ARF5: variants seen among roughly 807,000 people sequenced by gnomAD.
ARF5 encodes the protein ARF GTPase 5.
ARF5 carries 10 observed loss-of-function variants against 24.8 expected under a neutral mutation model. That is an observed-to-expected ratio of 0.40 (90% CI 0.25 to 0.68). The LOEUF is 0.68. Ranked by LOEUF, ARF5 falls within the 30% of genes least tolerant of loss-of-function variation. The probability of loss-of-function intolerance (pLI) is 0.36; values close to 1 mark genes in which losing one functional copy is unlikely to be tolerated. For missense variants in ARF5, 135 were observed against 239.2 expected (o/e 0.56, Z 2.87); for synonymous variants, 102 against 95.1 (o/e 1.07, Z -0.42).
intron 4 of ARF5, 44 bp downstream of exon 4, chr7:127,590,181 C>T: frequency 1.3e-6 from 2 of 1,520,050 alleles, no homozygotes; most frequent in Non-Finnish European, 1.8e-6. Flanking sequence ...AGCTTGGGGA[C>T]AGAGTGATCT....
intron 2 of ARF5, 115 bp from the exon 3 acceptor site, chr7:127,589,370 C>T (rs1197217591): frequency 1.6e-5 from 18 of 1,110,112 alleles, no homozygotes; most frequent in Non-Finnish European, 2.3e-5. Flanking sequence ...GGGTTCTGTT[C>T]CCCTGGGCCT....
intron 3 of ARF5, 92 bp downstream of exon 3, chr7:127,589,686 C>A: frequency 2.8e-6 from 3 of 1,070,990 alleles, no homozygotes; most frequent in Non-Finnish European, 4.1e-6. Flanking sequence ...GCCCCCAGGC[C>A]AAGGAAAAAA....
At position 127,590,108 on chromosome 7, in the gene ARF5, C is replaced by T. The variant is rs1794261568; in HGVS notation, c.301C>T (p.Gln101Ter). ...GGACAGTAATGACCGGGAGCGGGTC[C>T]AAGAATCTGCTGATGAACTCCAGAA... is the stretch of plus-strand genomic sequence containing the variant. ...VVDSNDRERV[Q>*]ESADELQKML... The change falls in exon 4 of 6, where the codon CAA becomes TAA. Residue 101 changes from glutamine to a stop codon, truncating the protein, a stop_gained. Coordinates refer to ENST00000000233, the MANE Select transcript of ARF5 (RefSeq NM_001662.4). LOFTEE classifies it high-confidence loss of function. 6.2e-7 allele frequency: 1 copy of T among 1,613,852 alleles called. No individual in the cohort carries two copies. The highest frequency in any genetic ancestry group is 1.3e-5 in the African/African-American group (1 of 74,864).
chr7:127,590,083 G>C lies in ARF5; in HGVS notation c.276G>C (p.Val92=). 1 of 1,613,930 alleles carries C rather than the reference G, an allele frequency of 6.2e-7. No individual in the cohort carries two copies. Among genetic ancestry groups the C allele is most frequent in the Non-Finnish European group, 8.5e-7 (1 of 1,179,910 alleles). Reference sequence around the variant, plus strand: ...CTGCCCAGGGCCTCATCTTTGTGGTGGACAGTAATGACCGGGAGCGGGTCC... The same window carrying C: ...CTGCCCAGGGCCTCATCTTTGTGGTCGACAGTAATGACCGGGAGCGGGTCC... The part of the protein sequence containing the change: ...FQNTQGLIFV[V]DSNDRERVQE... The change falls in exon 4 of 6, where the codon GTG becomes GTC. Residue 92 remains valine, a synonymous_variant. Coordinates refer to ENST00000000233, the MANE Select transcript of ARF5 (RefSeq NM_001662.4).
Position 127,591,338 on chromosome 7 carries a change from C to T in ARF5, c.*39C>T, listed in dbSNP as rs749170977. On this transcript the variant is annotated 3_prime_UTR_variant, in exon 6 of 6. Coordinates refer to ENST00000000233, the MANE Select transcript of ARF5 (RefSeq NM_001662.4). ...GGCCCCTGATGCCCGGAAGCTCCTG[C>T]GTGCATCCCCGGGATGACCAGACTC... is the stretch of plus-strand genomic sequence containing the variant. 6 of 1,516,498 alleles carry T rather than the reference C, an allele frequency of 4.0e-6. No individual in the cohort carries two copies. Among genetic ancestry groups the T allele is most frequent in the South Asian group, 1.3e-5 (1 of 76,732 alleles). The allele number at this position is 1,516,498 out of a possible 1,614,324, so 93.9% of individuals were successfully genotyped here. A position where few individuals can be genotyped will look rare whatever the true frequency, so the allele number is the denominator to read the frequency against.
In ARF5 at chr7:127,590,998, G is replaced by C; in HGVS notation, c.366G>C (p.Leu122=). Residue 122 remains leucine (L), a synonymous_variant, in exon 5 of 6, where the codon CTG becomes CTC. Transcript: ENST00000000233. Reference sequence around the variant, plus strand: ...ACGAGCTGCGGGATGCAGTGCTGCTGGTATTTGCCAACAAGCAGGACATGC... The same window carrying C: ...ACGAGCTGCGGGATGCAGTGCTGCTCGTATTTGCCAACAAGCAGGACATGC... ...QEDELRDAVL[L]VFANKQDMPN... is the part of the protein sequence containing the mutation. 1 of 1,613,972 alleles carries C rather than the reference G, an allele frequency of 6.2e-7. No individual in the cohort carries two copies. The highest frequency in any genetic ancestry group is 8.5e-7 in the Non-Finnish European group (1 of 1,179,978).
At chr7:127,590,898 AG>A in intron 4 of ARF5, 64 bp from the exon 5 acceptor site, 1 of 1,540,304 alleles carries the variant, frequency 6.5e-7, no homozygotes. Context: ...GGAGGTAGAA[AG>A]GGAATTCCCC....
At chr7:127,589,003 T>C in intron 1 of ARF5, 80 bp from the exon 2 acceptor site, 1 of 1,496,720 alleles carries the variant, frequency 6.7e-7, no homozygotes, top group African/African-American at 1.4e-5. Flanking sequence ...CACCATCAGC[T>C]GTTGTGGCCT....
At chr7:127,588,652 C>G (rs2117413593) in intron 1 of ARF5, 87 bp downstream of exon 1, 2 of 1,204,870 alleles carry the variant, frequency 1.7e-6, no homozygotes, top group Middle Eastern at 5.9e-4. Flanking sequence ...CCCCGCTCAC[C>G]TGGGTCTCTG....
At chr7:127,590,778 G>T (rs916258895) in intron 4 of ARF5, among the ~76,000 whole-genome samples, 185 bp from the exon 5 acceptor site, 2 of 152,222 alleles carry the variant, frequency 1.3e-5, no homozygotes, top group Non-Finnish European at 2.9e-5. Context: ...TTAGGAAAAG[G>T]TCTTTCTTTT....
In ARF5 at chr7:127,588,471, G is replaced by C; in HGVS notation, c.-28G>C. 1 of 1,413,528 alleles carries C rather than the reference G, an allele frequency of 7.1e-7. No individual in the cohort carries two copies. The allele number at this position is 1,413,528 out of a possible 1,614,324, so 87.6% of individuals were successfully genotyped here. ...CAGTTCCAGCCCGCACCCCGCGTCGGTGCCCGCGCCCCTCCCCGGGCCCCG... is the reference window on the plus strand; with the variant it reads ...CAGTTCCAGCCCGCACCCCGCGTCGCTGCCCGCGCCCCTCCCCGGGCCCCG... On this transcript the variant is annotated 5_prime_UTR_variant, in exon 1 of 6. Coordinates refer to ENST00000000233, the MANE Select transcript of ARF5 (RefSeq NM_001662.4).
intron 2 of ARF5, 111 bp downstream of exon 2, chr7:127,589,274 T>C: frequency 3.0e-6 from 4 of 1,326,286 alleles, no homozygotes; most frequent in Non-Finnish European, 4.3e-6. Flanking sequence ...ATACAGCTAT[T>C]TGAGAAGTGG....
At chr7:127,588,819 G>A in intron 1 of ARF5, 1 of 572,902 alleles carries the variant, frequency 1.7e-6, no homozygotes, top group South Asian at 2.3e-5. Flanking sequence ...GGAGGATTCC[G>A]CCCTTGGAGA....
At position 127,589,839 on chromosome 7, in the gene ARF5, T is replaced by C. The variant is rs888096250; in HGVS notation, c.259-227T>C. The C allele has an allele frequency of 5.7e-5, 35 of 609,094 alleles. No individual in the cohort carries two copies. The African/African-American group carries it at 6.3e-4, about 11-fold the overall frequency. 37.7% of individuals were successfully genotyped at this position (609,094 alleles called of 1,614,324 possible). On this transcript the variant is annotated intron_variant, in intron 3 of 5. Transcript: ENST00000000233. ...TGATTTAGCCCTCATAACATGTCTT[T>C]ATTTCCTTGCACATCTTTGGATAAA...
rs1413573373 is a variant in ARF5 at position 127,591,647 on chromosome 7, G to A, written c.*348G>A. 6.5e-6 allele frequency: 2 copies of A among 306,154 alleles called. No individual in the cohort carries two copies. The allele number at this position is 306,154 out of a possible 1,614,324, so 19.0% of individuals were successfully genotyped here. ...GGGAGGGGGAAGGTGAGGGCTTCGG[G>A]TGGTGCTATAATGTGGCACTGGATC... On this transcript the variant is annotated 3_prime_UTR_variant, in exon 6 of 6. Coordinates refer to ENST00000000233, the MANE Select transcript of ARF5 (RefSeq NM_001662.4).
rs748082052 is a variant in ARF5, at chr7:127,588,470, G to A, written c.-29G>A. ...CCAGTTCCAGCCCGCACCCCGCGTC[G>A]GTGCCCGCGCCCCTCCCCGGGCCCC... On this transcript the variant is annotated 5_prime_UTR_variant, in exon 1 of 6. Coordinates refer to ENST00000000233, the MANE Select transcript of ARF5 (RefSeq NM_001662.4). 3 of 1,405,234 alleles carry A rather than the reference G, an allele frequency of 2.1e-6. No individual in the cohort carries two copies. Among genetic ancestry groups the A allele is most frequent in the Middle Eastern group, 2.1e-4 (1 of 4,710 alleles). The allele number at this position is 1,405,234 out of a possible 1,614,324, so 87.0% of individuals were successfully genotyped here.
chr7:127,591,381 T>C lies in ARF5; in HGVS notation c.*82T>C, dbSNP rs115245503. The C allele has an allele frequency of 1.6e-6, 2 of 1,242,994 alleles. No individual in the cohort carries two copies. Among genetic ancestry groups the C allele is most frequent in the African/African-American group, 1.5e-5 (1 of 65,222 alleles). 77.0% of individuals were successfully genotyped at this position (1,242,994 alleles called of 1,614,324 possible). ...CCAGACTCCCGGACTCCTCAGGCAGTGCCCTTTCCTCCCACTTTTCCTCCC... is the reference window on the plus strand; with the variant it reads ...CCAGACTCCCGGACTCCTCAGGCAGCGCCCTTTCCTCCCACTTTTCCTCCC... On this transcript the variant is annotated 3_prime_UTR_variant, in exon 6 of 6. Transcript: ENST00000000233.
In ARF5 at chr7:127,591,054, A is replaced by G; in HGVS notation, c.422A>G (p.Asp141Gly). The G allele has an allele frequency of 6.2e-7, 1 of 1,614,086 alleles. No individual in the cohort carries two copies. The highest frequency in any genetic ancestry group is 8.5e-7 in the Non-Finnish European group (1 of 1,179,994). ...GCCATGCCCGTGAGCGAGCTGACTGACAAGCTGGGGCTACAGCACTTACGC... is the reference window on the plus strand; with the variant it reads ...GCCATGCCCGTGAGCGAGCTGACTGGCAAGCTGGGGCTACAGCACTTACGC... ...PNAMPVSELTDKLGLQHLRSR... is the reference protein window; with the variant it reads ...PNAMPVSELTGKLGLQHLRSR... The change falls in exon 5 of 6, where the codon GAC (aspartate) becomes GGC (glycine). Residue 141 changes from aspartate (D) to glycine (G), a missense_variant. Around this residue, in one of 3 missense-constraint regions of ARF5, gnomAD observed 102 missense variants for 160.9 expected, o/e 0.63. Coordinates refer to ENST00000000233, the MANE Select transcript of ARF5 (RefSeq NM_001662.4).
intron 1 of ARF5, 52 bp downstream of exon 1, chr7:127,588,617 C>A: frequency 7.8e-7 from 1 of 1,285,246 alleles, no homozygotes; most frequent in Non-Finnish European, 1.0e-6. Flanking sequence ...CCCGGCGCAG[C>A]CCTTCCGCCC....
Sources: allele counts gnomAD v4.1 joint callset (sites outside exome capture counted in the v4.1 genomes callset), GRCh38; gene constraint gnomAD v4.1.1; regional missense constraint gnomAD v4.1.1; transcripts MANE v1.5; gene names NCBI Gene and HGNC (gene_info 2026-07-23, HGNC 2026-07-21).